Variants in METTL21A observed in about 807,000 individuals in gnomAD.
METTL21A encodes the protein methyltransferase 21A, HSPA lysine.
Under a neutral mutation model 20.9 loss-of-function variants are expected in METTL21A, and 22 were observed. The ratio of observed to expected loss-of-function variants is 1.05; its 90% CI spans 0.75 to 1.50. METTL21A has a LOEUF of 1.50. Among genes scored for constraint, METTL21A ranks in the 40% most tolerant of loss-of-function variants. The pLI is 0.00. For missense variants in METTL21A, 271 were observed against 266.8 expected, an observed-to-expected ratio of 1.02 and a Z score of -0.11; for synonymous variants, 93 against 102.0, an observed-to-expected ratio of 0.91 and a Z score of 0.53.
At chr2:207,622,619 G>A (rs780634488) in intron 2 of METTL21A, among the ~76,000 whole-genome samples, 1 of 152,238 alleles carries the variant, frequency 6.6e-6, no homozygotes, top group African/African-American at 2.4e-5. Flanking sequence ...TTCACCCATA[G>A]GGAAAAAGCA....
Sources: allele counts gnomAD v4.1 joint callset (sites outside exome capture counted in the v4.1 genomes callset), GRCh38; gene constraint gnomAD v4.1.1; transcripts MANE v1.5; gene names NCBI Gene and HGNC (gene_info 2026-07-23, HGNC 2026-07-21).